Variants in MYO5B observed in about 807,000 individuals in gnomAD.
MYO5B encodes myosin VB.
MYO5B carries 143 observed loss-of-function variants against 229.3 expected under a neutral mutation model. The ratio of observed to expected loss-of-function variants is 0.62; its 90% CI spans 0.54 to 0.72. MYO5B has a LOEUF of 0.72. Ranked by LOEUF, MYO5B falls within the 30% of genes least tolerant of loss-of-function variation. The pLI is 0.00. For missense variants in MYO5B, 2,321 were observed against 2,331.0 expected (o/e 1.00, Z 0.09); for synonymous variants, 918 against 885.2 (o/e 1.04, Z -0.66).
chr18:49,996,515 A>G (rs2025989103), intron 5 of MYO5B, among the ~76,000 whole-genome samples: 1 of 152,262 alleles, frequency 6.6e-6, no homozygotes, highest in South Asian at 2.1e-4. Flanking sequence ...TCATGGATTA[A>G]TAAAAAAATG....
chr18:49,899,017 T>C (rs1014254189), intron 21 of MYO5B, among the ~76,000 whole-genome samples: 1 of 152,150 alleles, frequency 6.6e-6, no homozygotes, highest in East Asian at 1.9e-4. Context: ...GCGAATCCCC[T>C]TGGAAGAACT....
chr18:49,962,323 A>G lies in MYO5B; in HGVS notation c.1488T>C (p.Cys496=). ...TLIDFYDNQP[C]IDLIEAKLGI... Reference sequence around the variant, plus strand: ...CCAGCTTGGCTTCAATGAGGTCGATACAAGGTTGGTTATCATAAAAATCAA... The same window carrying G: ...CCAGCTTGGCTTCAATGAGGTCGATGCAAGGTTGGTTATCATAAAAATCAA... The change falls in exon 12 of 40, where the codon TGT becomes TGC. Residue 496 remains cysteine (C), a synonymous_variant. Coordinates refer to ENST00000285039, the MANE Select transcript of MYO5B (RefSeq NM_001080467.3). 1 of 1,614,206 alleles carries G rather than the reference A, an allele frequency of 6.2e-7. No homozygotes were observed. The highest frequency in any genetic ancestry group is 8.5e-7 in the Non-Finnish European group (1 of 1,180,030).
intron 12 of MYO5B, among the ~76,000 whole-genome samples, chr18:49,961,391 TCTA>T (rs1341377564): frequency 1.3e-5 from 2 of 152,218 alleles, no homozygotes; most frequent in African/African-American, 2.4e-5. Context: ...TTCTCTGTCT[TCTA>T]CTGTTTCCCT....
chr18:50,105,204 AAAATAAAT>A (rs149697050), intron 1 of MYO5B, among the ~76,000 whole-genome samples: 32,457 of 138,928 alleles, frequency 0.23, 3,922 homozygotes, highest in Middle Eastern at 0.29. Context: ...AGGCATGGTA[AAAATAAAT>A]AAATAAATAA....
chr18:50,151,697 T>A (rs148299258), intron 1 of MYO5B, among the ~76,000 whole-genome samples: 9 of 150,634 alleles, frequency 6.0e-5, no homozygotes, highest in Admixed American at 4.7e-4. Flanking sequence ...AAACACTGAA[T>A]TTTTTTTTTA....
rs116458251 is a variant in MYO5B, at chr18:50,065,280, C to T, written c.28-9902G>A. Among the ~76,000 whole-genome samples, 493 of 152,282 alleles carry T rather than the reference C, an allele frequency of 3.2e-3. 2 individuals are homozygous for T. The highest frequency in any genetic ancestry group is 0.011 in the African/African-American group (460 of 41,558). ...CTCTACACAACAGCCAGGCACTGTG[C>T]GAGGTGCTGGGCACAGTGAAGAGGA... On this transcript the variant is annotated intron_variant, in intron 1 of 39. Coordinates refer to ENST00000285039, the MANE Select transcript of MYO5B (RefSeq NM_001080467.3).
At chr18:50,111,707 G>A (rs1017505241) in intron 1 of MYO5B, among the ~76,000 whole-genome samples, 1 of 152,174 alleles carries the variant, frequency 6.6e-6, no homozygotes, top group African/African-American at 2.4e-5. Context: ...ATTCTCTGCA[G>A]TTTATGCTGA....
At chr18:50,074,685 A>C (rs533418920) in intron 1 of MYO5B, among the ~76,000 whole-genome samples, 2 of 152,294 alleles carry the variant, frequency 1.3e-5, no homozygotes, top group South Asian at 4.1e-4. Context: ...AACTAATGTA[A>C]AAACAGGTCT....
intron 1 of MYO5B, among the ~76,000 whole-genome samples, chr18:50,170,309 A>C (rs1045183247): frequency 7.9e-6 from 1 of 127,100 alleles, no homozygotes; most frequent in African/African-American, 3.0e-5. Flanking sequence ...TCCATCAGAA[A>C]TGTACTATTT....
chr18:50,155,154 A>G (rs1158831365), intron 1 of MYO5B, among the ~76,000 whole-genome samples: 1 of 152,200 alleles, frequency 6.6e-6, no homozygotes, highest in Non-Finnish European at 1.5e-5. Flanking sequence ...CCTTCCATAA[A>G]TAGTAGCTGC....
chr18:49,950,214 G>T (rs1449131355), intron 14 of MYO5B, among the ~76,000 whole-genome samples: 1 of 152,220 alleles, frequency 6.6e-6, no homozygotes, highest in Non-Finnish European at 1.5e-5. Context: ...ACATCTCAGG[G>T]TTGTTGCTGG....
rs562239550 is a variant in MYO5B at position 50,180,302 on chromosome 18, T to C, written c.27+14465A>G. On this transcript the variant is annotated intron_variant, in intron 1 of 39. Transcript: ENST00000285039. Reference sequence around the variant, plus strand: ...CATGACCTTCTCCTAGTGATGTGGCTATCAGCAACTAATACAGTTCACACA... The same window carrying C: ...CATGACCTTCTCCTAGTGATGTGGCCATCAGCAACTAATACAGTTCACACA... 3.3e-5 allele frequency among the ~76,000 whole-genome samples: 5 copies of C among 152,318 alleles called. No homozygotes were observed. The South Asian group carries it at 1.0e-3, about 32-fold the overall frequency.
At chr18:50,191,255 G>A (rs1210108156) in intron 1 of MYO5B, among the ~76,000 whole-genome samples, 1 of 152,170 alleles carries the variant, frequency 6.6e-6, no homozygotes, top group Non-Finnish European at 1.5e-5. Flanking sequence ...TTGGGTCCCA[G>A]AAAATCTCCT....
At chr18:49,968,141 C>G (rs2025647510) in intron 10 of MYO5B, among the ~76,000 whole-genome samples, 1 of 152,168 alleles carries the variant, frequency 6.6e-6, no homozygotes, top group Non-Finnish European at 1.5e-5. Flanking sequence ...GAAACTAGTA[C>G]ATGAGAGCCT....
chr18:50,087,735 GT>G (rs1740629758), intron 1 of MYO5B, among the ~76,000 whole-genome samples: 1 of 152,190 alleles, frequency 6.6e-6, no homozygotes, highest in African/African-American at 2.4e-5. Context: ...AGGTAGGGCT[GT>G]GTCATGAAGC....
chr18:50,124,041 G>C (rs1197469928), intron 1 of MYO5B, among the ~76,000 whole-genome samples: 1 of 152,076 alleles, frequency 6.6e-6, no homozygotes, highest in African/African-American at 2.4e-5. Context: ...TTTCCACCAT[G>C]GGCACATTAT....
chr18:49,930,332 T>C (rs569767861), intron 16 of MYO5B, among the ~76,000 whole-genome samples: 11 of 152,304 alleles, frequency 7.2e-5, no homozygotes, highest in African/African-American at 2.6e-4. Context: ...TTATTACAGA[T>C]TACTTTCCAG....
chr18:49,859,383 G>C (rs1005164871), intron 29 of MYO5B, among the ~76,000 whole-genome samples: 2 of 152,176 alleles, frequency 1.3e-5, no homozygotes, highest in African/African-American at 4.8e-5. Context: ...TATCAACCAT[G>C]GCCCCGCCAC....
chr18:49,941,525 A>G (rs946131650), intron 14 of MYO5B, among the ~76,000 whole-genome samples: 11 of 152,196 alleles, frequency 7.2e-5, no homozygotes, highest in Non-Finnish European at 1.5e-4. Flanking sequence ...AATCCCTGCT[A>G]AGGATACTGA....
Sources: allele counts gnomAD v4.1 joint callset (sites outside exome capture counted in the v4.1 genomes callset), GRCh38; gene constraint gnomAD v4.1.1; transcripts MANE v1.5; gene names NCBI Gene and HGNC (gene_info 2026-07-23, HGNC 2026-07-21).